Variants in FMR1 observed in about 807,000 individuals in gnomAD.
FMR1 encodes FMRP translational regulator 1.
FMR1 carries 13 observed loss-of-function variants against 50.6 expected under a neutral mutation model. The observed-to-expected ratio is 0.26, with a 90% CI of 0.17 to 0.41. FMR1 has a LOEUF of 0.41. FMR1 is among the 10% of genes least tolerant of loss of function. The probability of loss-of-function intolerance (pLI) is 1.00; values close to 1 mark genes in which losing one functional copy is unlikely to be tolerated. For missense variants in FMR1, 316 were observed against 491.3 expected (o/e 0.64, Z 3.37); for synonymous variants, 138 against 164.1 (o/e 0.84, Z 1.22).
rs1217909987 is a variant in FMR1, at chrX:147,950,921, AACTT to A, written c.*2078_*2081del. 3.6e-6 allele frequency: 1 copy of A among 279,629 alleles called. No homozygotes were observed. The highest frequency in any genetic ancestry group is 2.8e-5 in the African/African-American group (1 of 35,646). 23.0% of individuals were successfully genotyped at this position (279,629 alleles called of 1,213,427 possible). On this transcript the variant is annotated 3_prime_UTR_variant, in exon 17 of 17. Transcript: ENST00000370475. ...CTAACTTGCTTAAATGTGAATTACT[AACTT>A]CTAAAACTGTACTTTGATTCACATG...
chrX:147,915,226 ACAAT>A (rs2042795375), intron 1 of FMR1, among the ~76,000 whole-genome samples: 1 of 112,177 alleles, frequency 8.9e-6, no homozygotes, highest in Non-Finnish European at 1.9e-5. Flanking sequence ...GATAAAGTGT[ACAAT>A]CAAAAGGATA....
chrX:147,931,763 C>G (rs1471014906), intron 7 of FMR1, among the ~76,000 whole-genome samples: 1 of 111,788 alleles, frequency 8.9e-6, no homozygotes, highest in East Asian at 2.8e-4. Flanking sequence ...CAAGGTCTTA[C>G]GGACTCTGGT....
chrX:147,948,303 G>A, intron 16 of FMR1: 1 of 295,539 alleles, frequency 3.4e-6, no homozygotes, highest in Non-Finnish European at 4.7e-6. Flanking sequence ...AATCTTTGGA[G>A]AATAACTAAT....
chrX:147,924,310 G>T (rs1557177056), intron 2 of FMR1, among the ~76,000 whole-genome samples: 3 of 109,876 alleles, frequency 2.7e-5, no homozygotes. Context: ...TTTCTCAATA[G>T]AATTTTACTA....
intron 3 of FMR1, among the ~76,000 whole-genome samples, chrX:147,926,553 T>A (rs1233212986): frequency 9.0e-6 from 1 of 110,616 alleles, no homozygotes; most frequent in African/African-American, 3.3e-5. Flanking sequence ...AATGGCGCGA[T>A]CTTGGCTCCC....
In FMR1 at chrX:147,930,253, C is replaced by G; in HGVS notation, c.630+9C>G. The G allele has an allele frequency of 9.7e-7, 1 of 1,028,474 alleles. No homozygotes were observed. The highest frequency in any genetic ancestry group is 1.4e-6 in the Non-Finnish European group (1 of 728,453). The allele number at this position is 1,028,474 out of a possible 1,213,427, so 84.8% of individuals were successfully genotyped here. A position where few individuals can be genotyped will look rare whatever the true frequency, so the allele number is the denominator to read the frequency against. ...CTAGTAAGCAGCTGGAGGTATGTCACTTTCCCTAGCACTGCTTGTAAGGGT... is the reference window on the plus strand; with the variant it reads ...CTAGTAAGCAGCTGGAGGTATGTCAGTTTCCCTAGCACTGCTTGTAAGGGT... On this transcript the variant is annotated intron_variant, in intron 7 of 16. Transcript: ENST00000370475.
intron 2 of FMR1, among the ~76,000 whole-genome samples, chrX:147,924,386 A>T (rs1276218436): frequency 9.0e-6 from 1 of 110,603 alleles, no homozygotes. Context: ...CTGATGAAGA[A>T]CACCAAAAAG....
chrX:147,921,725 T>C lies in FMR1; in HGVS notation c.52-208T>C, dbSNP rs935009324. ...AGAATTTTTTCTCATGTTTAGTGTT[T>C]TAGCTATGTTTATCTCTAGGGTATA... On this transcript the variant is annotated intron_variant, in intron 1 of 16. Coordinates refer to ENST00000370475, the MANE Select transcript of FMR1 (RefSeq NM_002024.6). 1.2e-4 allele frequency among the ~76,000 whole-genome samples: 13 copies of C among 111,813 alleles called. No homozygotes were observed. In the Admixed American group the frequency reaches 1.2e-3, roughly 11 times the overall value.
At chrX:147,932,328 C>A in intron 7 of FMR1, 97 bp from the exon 8 acceptor site, 1 of 786,852 alleles carries the variant, frequency 1.3e-6, no homozygotes, top group Non-Finnish European at 2.0e-6. Flanking sequence ...TTATGGACCC[C>A]TCATATACAG....
At position 147,932,535 on chromosome X, in the gene FMR1, A is replaced by G. The variant is rs913799746; in HGVS notation, c.741A>G (p.Val247=). 1 of 1,208,489 alleles carries G rather than the reference A, an allele frequency of 8.3e-7. No individual in the cohort carries two copies. The highest frequency in any genetic ancestry group is 1.1e-6 in the Non-Finnish European group (1 of 892,517). ...CTAATATTCAGCAAGCTAGAAAAGT[A>G]CCTGGGGTCACTGCTATTGATCTAG... ...HGANIQQARK[V]PGVTAIDLDE... The change falls in exon 8 of 17, where the codon GTA becomes GTG. Residue 247 remains valine, a synonymous_variant. Coordinates refer to ENST00000370475, the MANE Select transcript of FMR1 (RefSeq NM_002024.6).
chrX:147,945,348 CTG>C (rs1346066845), intron 15 of FMR1, among the ~76,000 whole-genome samples, 184 bp from the exon 16 acceptor site: 5 of 112,417 alleles, frequency 4.4e-5, no homozygotes, highest in Non-Finnish European at 7.5e-5. Context: ...ATTATAATAA[CTG>C]TGAAATATTT....
At chrX:147,929,010 C>T (rs1477583481) in intron 5 of FMR1, among the ~76,000 whole-genome samples, 3 of 112,044 alleles carry the variant, frequency 2.7e-5, no homozygotes, top group Admixed American at 9.4e-5. Context: ...GGCAGCCTTG[C>T]GCTTGTTTAA....
At chrX:147,933,545 G>T (rs1424739972) in intron 9 of FMR1, 2 of 905,247 alleles carry the variant, frequency 2.2e-6, no homozygotes, top group Non-Finnish European at 2.8e-6. Context: ...ACCATCGTGA[G>T]TATCAGCAAA....
Position 147,940,728 on chromosome X carries a change from TC to T in FMR1, c.1275+67del, listed in dbSNP as rs1415337376. The T allele has an allele frequency of 4.1e-6, 3 of 739,056 alleles. No individual in the cohort carries two copies. The East Asian group carries it at 9.6e-5, about 24-fold the overall frequency. The allele number at this position is 739,056 out of a possible 1,213,427, so 60.9% of individuals were successfully genotyped here. Reference sequence around the variant, plus strand: ...TAAAATATACAAACTTTATAGTAGATCTTTCAGCAGTTAGGACTCATTCTAG... The same window carrying T: ...TAAAATATACAAACTTTATAGTAGATTTTCAGCAGTTAGGACTCATTCTAG... On this transcript the variant is annotated intron_variant, in intron 13 of 16. Transcript: ENST00000370475.
intron 1 of FMR1, among the ~76,000 whole-genome samples, chrX:147,915,815 G>T (rs1161755874): frequency 9.0e-6 from 1 of 111,587 alleles, no homozygotes. Flanking sequence ...GCACAGAGAG[G>T]TTAGGTAAGT....
At chrX:147,948,397 G>GT (rs781788952) in intron 16 of FMR1, 1 of 926,213 alleles carries the variant, frequency 1.1e-6, no homozygotes, top group African/African-American at 2.0e-5. Context: ...GTTTCTCACT[G>GT]TTTTATTCTA....
chrX:147,948,292 C>G, intron 16 of FMR1: 2 of 264,581 alleles, frequency 7.6e-6, no homozygotes, highest in Non-Finnish European at 1.1e-5. Context: ...CTGGGCTTCA[C>G]AATCTTTGGA....
In FMR1 at chrX:147,950,919, C is replaced by T. The variant is rs782355694; in HGVS notation, c.*2075C>T. 9 of 288,980 alleles carry T rather than the reference C, an allele frequency of 3.1e-5. No homozygotes were observed. The highest frequency in any genetic ancestry group is 2.9e-4 in the South Asian group (9 of 31,041). 23.8% of individuals were successfully genotyped at this position (288,980 alleles called of 1,213,427 possible). A position where few individuals can be genotyped will look rare whatever the true frequency, so the allele number is the denominator to read the frequency against. On this transcript the variant is annotated 3_prime_UTR_variant, in exon 17 of 17. Transcript: ENST00000370475. Reference sequence around the variant, plus strand: ...CGCTAACTTGCTTAAATGTGAATTACTAACTTCTAAAACTGTACTTTGATT... The same window carrying T: ...CGCTAACTTGCTTAAATGTGAATTATTAACTTCTAAAACTGTACTTTGATT...
rs1557182927 is a variant in FMR1 at position 147,949,401 on chromosome X, A to G, written c.*557A>G. 2.1e-5 allele frequency: 7 copies of G among 329,424 alleles called. No homozygotes were observed. Among genetic ancestry groups the G allele is most frequent in the Non-Finnish European group, 4.1e-5 (7 of 169,943 alleles). The allele number at this position is 329,424 out of a possible 1,213,427, so 27.1% of individuals were successfully genotyped here. A position where few individuals can be genotyped will look rare whatever the true frequency, so the allele number is the denominator to read the frequency against. ...GTTGTATGATCTGTGCCTTTTTTAT[A>G]TCTTGGCAGGTAGGAATATTATATT... On this transcript the variant is annotated 3_prime_UTR_variant, in exon 17 of 17. Coordinates refer to ENST00000370475, the MANE Select transcript of FMR1 (RefSeq NM_002024.6).
Sources: gnomAD v4.1 joint callset for allele counts (sites outside exome capture counted in the v4.1 genomes callset) on GRCh38, gnomAD v4.1.1 for gene constraint, MANE v1.5 for transcripts, NCBI Gene and HGNC (gene_info 2026-07-23, HGNC 2026-07-21) for gene names.